MACROD2: variants seen among roughly 807,000 people sequenced by gnomAD.
MACROD2 encodes mono-ADP ribosylhydrolase 2.
A neutral mutation model predicts 70.4 loss-of-function variants in MACROD2; 36 were observed. That is an observed-to-expected ratio of 0.51 (90% CI 0.39 to 0.68). The LOEUF (loss-of-function observed/expected upper bound fraction) is 0.68, where lower values mean the gene tolerates loss of function less well. MACROD2 is among the 30% of genes least tolerant of loss of function. The pLI is 0.00. For missense variants in MACROD2, 496 were observed against 538.4 expected (o/e 0.92, Z 0.78); for synonymous variants, 172 against 178.8 (o/e 0.96, Z 0.30).
chr20:15,509,433 G>T (rs2047470626), intron 8 of MACROD2, among the ~76,000 whole-genome samples: 1 of 152,166 alleles, frequency 6.6e-6, no homozygotes, highest in Admixed American at 6.5e-5. Flanking sequence ...ATTAAAAAAA[G>T]GAGAGAGAAT....
At chr20:14,480,667 A>G (rs2084653036) in intron 3 of MACROD2, among the ~76,000 whole-genome samples, 1 of 152,318 alleles carries the variant, frequency 6.6e-6, no homozygotes, top group African/African-American at 2.4e-5. Flanking sequence ...TCTCTATTAT[A>G]GAATCCACAG....
chr20:15,846,812 G>C (rs6043573), intron 8 of MACROD2, among the ~76,000 whole-genome samples: 3,899 of 151,698 alleles, frequency 0.026, 191 homozygotes, highest in African/African-American at 0.09. Flanking sequence ...ACCCAACATG[G>C]CAGCAGCGAG....
At chr20:15,487,546 C>T (rs1160759405) in intron 7 of MACROD2, among the ~76,000 whole-genome samples, 1 of 152,138 alleles carries the variant, frequency 6.6e-6, no homozygotes, top group Non-Finnish European at 1.5e-5. Flanking sequence ...AGTGTGGCTG[C>T]CATTGTATAC....
chr20:15,560,762 C>CAAAA (rs71190190), intron 8 of MACROD2, among the ~76,000 whole-genome samples: 12 of 22,076 alleles, frequency 5.4e-4, no homozygotes, highest in Non-Finnish European at 9.6e-4. Flanking sequence ...AACAAAGTCT[C>CAAAA]AAAAAAAAAA....
intron 12 of MACROD2, among the ~76,000 whole-genome samples, chr20:15,953,224 G>T (rs1339784171): frequency 6.6e-6 from 1 of 152,076 alleles, no homozygotes; most frequent in Non-Finnish European, 1.5e-5. Context: ...GGGGGAAGTG[G>T]CAGGGATAGA....
intron 13 of MACROD2, among the ~76,000 whole-genome samples, chr20:15,977,167 C>T (rs1439406655): frequency 1.3e-5 from 2 of 152,182 alleles, no homozygotes; most frequent in African/African-American, 4.8e-5. Flanking sequence ...GTTAAAGGTC[C>T]TTGCAATGAC....
intron 4 of MACROD2, among the ~76,000 whole-genome samples, chr20:14,570,867 G>T (rs1204263195): frequency 6.6e-6 from 1 of 151,750 alleles, no homozygotes; most frequent in Non-Finnish European, 1.5e-5. Context: ...GAGGGAAACA[G>T]AATTATGTGA....
intron 3 of MACROD2, among the ~76,000 whole-genome samples, chr20:14,485,165 C>T (rs1388311204): frequency 6.6e-6 from 1 of 152,048 alleles, no homozygotes; most frequent in Non-Finnish European, 1.5e-5. Context: ...CACACATACA[C>T]AGACACACAC....
intron 6 of MACROD2, among the ~76,000 whole-genome samples, chr20:15,371,054 C>A (rs2045484714): frequency 6.6e-6 from 1 of 152,080 alleles, no homozygotes; most frequent in Non-Finnish European, 1.5e-5. Flanking sequence ...CCACAGGTTA[C>A]CTGGTTCAAT....
At chr20:15,305,018 T>C (rs1165206410) in intron 6 of MACROD2, among the ~76,000 whole-genome samples, 1 of 152,208 alleles carries the variant, frequency 6.6e-6, no homozygotes, top group Non-Finnish European at 1.5e-5. Flanking sequence ...CTTCCTTGGG[T>C]TGGCACAGTC....
intron 6 of MACROD2, among the ~76,000 whole-genome samples, chr20:15,266,181 A>C (rs1397856243): frequency 2.0e-5 from 3 of 152,226 alleles, no homozygotes; most frequent in Admixed American, 2.0e-4. Flanking sequence ...AAAGATTCAT[A>C]AGCCACAATT....
intron 4 of MACROD2, among the ~76,000 whole-genome samples, chr20:14,520,563 A>AT (rs1256353957): frequency 6.6e-6 from 1 of 151,072 alleles, no homozygotes; most frequent in Non-Finnish European, 1.5e-5. Flanking sequence ...CAGAATTGGC[A>AT]TGTTACAATC....
At chr20:15,678,955 G>A (rs1474909663) in intron 8 of MACROD2, among the ~76,000 whole-genome samples, 24 of 152,180 alleles carry the variant, frequency 1.6e-4, no homozygotes, top group Admixed American at 1.6e-3. Context: ...AGATTGCACA[G>A]GCTGGGTGCG....
intron 10 of MACROD2, among the ~76,000 whole-genome samples, chr20:15,929,908 G>A (rs995338620): frequency 2.0e-5 from 3 of 152,144 alleles, no homozygotes; most frequent in African/African-American, 7.2e-5. Context: ...GTACTAATAT[G>A]GGAGAAATTA....
chr20:14,200,767 A>G (rs142279276), intron 3 of MACROD2, among the ~76,000 whole-genome samples: 2 of 152,330 alleles, frequency 1.3e-5, no homozygotes, highest in Non-Finnish European at 2.9e-5. Context: ...TGCTAATGTG[A>G]CAGCTAAACA....
chr20:14,979,322 A>G (rs905508274), intron 5 of MACROD2, among the ~76,000 whole-genome samples: 2 of 151,994 alleles, frequency 1.3e-5, no homozygotes, highest in African/African-American at 2.4e-5. Context: ...ATTTCTAACT[A>G]TTTTTCATGG....
chr20:15,964,100 T>C (rs1012061317), intron 12 of MACROD2, among the ~76,000 whole-genome samples: 1 of 152,188 alleles, frequency 6.6e-6, no homozygotes, highest in Non-Finnish European at 1.5e-5. Flanking sequence ...CAAATGATAA[T>C]TTTTAGAATT....
intron 5 of MACROD2, among the ~76,000 whole-genome samples, chr20:15,220,226 C>G (rs976838857): frequency 2.0e-5 from 3 of 152,096 alleles, no homozygotes; most frequent in Non-Finnish European, 2.9e-5. Context: ...TCTAGATTAT[C>G]CCTTCTACCT....
chr20:15,472,984 C>A (rs1294904942), intron 7 of MACROD2, among the ~76,000 whole-genome samples: 2 of 152,168 alleles, frequency 1.3e-5, no homozygotes, highest in Non-Finnish European at 2.9e-5. Context: ...TGCCCCTAAA[C>A]TCCTAAAACA....
Sources: gnomAD v4.1 joint callset for allele counts (sites outside exome capture counted in the v4.1 genomes callset) on GRCh38, gnomAD v4.1.1 for gene constraint, MANE v1.5 for transcripts, NCBI Gene and HGNC (gene_info 2026-07-23, HGNC 2026-07-21) for gene names.